AUTS2: variants seen among roughly 807,000 people sequenced by gnomAD.
The protein encoded by AUTS2 is activator of transcription and developmental regulator AUTS2.
Under a neutral mutation model 112.4 loss-of-function variants are expected in AUTS2, and 17 were observed. The observed-to-expected ratio is 0.15, with a 90% CI of 0.10 to 0.23. The LOEUF (loss-of-function observed/expected upper bound fraction) is 0.23. AUTS2 is among the 10% of genes least tolerant of loss of function. The probability of loss-of-function intolerance (pLI) is 1.00; values close to 1 mark genes in which losing one functional copy is unlikely to be tolerated. For missense variants in AUTS2, 1,510 were observed against 1,701.6 expected (o/e 0.89, Z 1.98); for synonymous variants, 751 against 702.7 (o/e 1.07, Z -1.09).
At chr7:70,438,294 G>C (rs1461604070) in intron 5 of AUTS2, among the ~76,000 whole-genome samples, 3 of 152,200 alleles carry the variant, frequency 2.0e-5, no homozygotes, top group Non-Finnish European at 4.4e-5. Context: ...GTAGATTTCA[G>C]GGTAATAAAG....
chr7:70,246,896 G>A (rs1190831062), intron 4 of AUTS2, among the ~76,000 whole-genome samples: 6 of 150,730 alleles, frequency 4.0e-5, no homozygotes, highest in African/African-American at 1.5e-4. Flanking sequence ...TTCTCTATAT[G>A]TTTTTTTTAT....
intron 1 of AUTS2, among the ~76,000 whole-genome samples, chr7:69,672,090 ATTC>A (rs1295597112): frequency 6.6e-6 from 1 of 150,506 alleles, no homozygotes; most frequent in African/African-American, 2.4e-5. Context: ...ATGGAGTTTC[ATTC>A]TTGTTGCTTA....
At chr7:70,003,202 ATATATGAATATAT>A (rs1563029246) in intron 2 of AUTS2, among the ~76,000 whole-genome samples, 2 of 134,124 alleles carry the variant, frequency 1.5e-5, no homozygotes, top group African/African-American at 5.6e-5. Context: ...TGAATATATT[ATATATGAATATAT>A]TATATATGAA....
chr7:70,290,809 G>C, intron 4 of AUTS2: 1 of 340,348 alleles, frequency 2.9e-6, no homozygotes, highest in Non-Finnish European at 4.8e-6. Flanking sequence ...AAGAAGCAAA[G>C]TCATTACATA....
chr7:70,093,508 A>T (rs772588908), intron 2 of AUTS2, among the ~76,000 whole-genome samples: 2 of 152,236 alleles, frequency 1.3e-5, no homozygotes, highest in Non-Finnish European at 2.9e-5. Flanking sequence ...CATGAGAGAA[A>T]AGCCATCTCT....
chr7:70,071,103 C>T (rs1584674189), intron 2 of AUTS2, among the ~76,000 whole-genome samples: 1 of 152,216 alleles, frequency 6.6e-6, no homozygotes, highest in Middle Eastern at 3.4e-3. Flanking sequence ...ATAATAAATT[C>T]ACTGTTTTGT....
At chr7:69,941,868 A>G (rs6961164) in intron 2 of AUTS2, among the ~76,000 whole-genome samples, 54,893 of 151,890 alleles carry the variant, frequency 0.36, 10,489 homozygotes, top group African/African-American at 0.49. Context: ...ATTAAATGCT[A>G]TCTTCCTGAC....
chr7:70,070,993 A>AT (rs1488955908), intron 2 of AUTS2, among the ~76,000 whole-genome samples: 2 of 152,138 alleles, frequency 1.3e-5, no homozygotes, highest in Non-Finnish European at 2.9e-5. Flanking sequence ...CTTAAAAAAA[A>AT]TTTTTTTAAT....
chr7:70,467,726 C>T (rs1431068986), intron 5 of AUTS2, among the ~76,000 whole-genome samples: 13 of 152,170 alleles, frequency 8.5e-5, no homozygotes. Flanking sequence ...TATCACAATA[C>T]TAAGCAGGTG....
intron 5 of AUTS2, among the ~76,000 whole-genome samples, chr7:70,563,034 G>A (rs1801554311): frequency 6.6e-6 from 1 of 152,178 alleles, no homozygotes; most frequent in East Asian, 1.9e-4. Flanking sequence ...GCTAGGAAAA[G>A]TGGGCTGAAA....
chr7:70,768,877 C>CTTTTCTT (rs776483074), intron 10 of AUTS2, among the ~76,000 whole-genome samples: 3 of 108,216 alleles, frequency 2.8e-5, no homozygotes, highest in South Asian at 3.1e-4. Context: ...CCAGTGATTT[C>CTTTTCTT]TTTTTTTTTT....
chr7:69,953,220 A>T (rs960073645), intron 2 of AUTS2, among the ~76,000 whole-genome samples: 5 of 152,132 alleles, frequency 3.3e-5, no homozygotes, highest in Admixed American at 1.3e-4. Context: ...TAATTCCCTA[A>T]GCACACTAGA....
At chr7:69,690,592 G>C (rs1797292967) in intron 1 of AUTS2, among the ~76,000 whole-genome samples, 1 of 152,182 alleles carries the variant, frequency 6.6e-6, no homozygotes, top group Non-Finnish European at 1.5e-5. Flanking sequence ...GCTGTGGCTG[G>C]ACCAGGTGTA....
At chr7:70,689,344 G>T (rs569892135) in intron 5 of AUTS2, among the ~76,000 whole-genome samples, 2 of 152,252 alleles carry the variant, frequency 1.3e-5, no homozygotes, top group East Asian at 3.9e-4. Flanking sequence ...TGGCACCACT[G>T]CACTCCAGCC....
At chr7:70,711,890 C>T (rs575768240) in intron 6 of AUTS2, among the ~76,000 whole-genome samples, 14 of 152,128 alleles carry the variant, frequency 9.2e-5, no homozygotes, top group Non-Finnish European at 1.6e-4. Flanking sequence ...TTTCCATGCC[C>T]CTTTACTCAC....
At chr7:70,119,679 G>A (rs1025912235) in intron 3 of AUTS2, 2 of 152,048 alleles carry the variant, frequency 1.3e-5, no homozygotes, top group African/African-American at 4.8e-5. Flanking sequence ...TGTATTTTTA[G>A]TAGAGATGGG....
chr7:69,826,746 G>A (rs1179614895), intron 1 of AUTS2, among the ~76,000 whole-genome samples: 2 of 152,138 alleles, frequency 1.3e-5, no homozygotes, highest in Non-Finnish European at 2.9e-5. Context: ...CCTAGGCAAG[G>A]TGTTTTTCTC....
chr7:70,030,291 G>A (rs1453099523), intron 2 of AUTS2, among the ~76,000 whole-genome samples: 3 of 152,194 alleles, frequency 2.0e-5, no homozygotes, highest in African/African-American at 7.2e-5. Context: ...CAGTCCAGTT[G>A]TCACCTACTC....
intron 1 of AUTS2, among the ~76,000 whole-genome samples, chr7:69,859,814 A>G (rs1171806617): frequency 6.6e-6 from 1 of 152,160 alleles, no homozygotes; most frequent in Non-Finnish European, 1.5e-5. Flanking sequence ...AAAACAAACA[A>G]AAACAACAAC....
Sources: gnomAD v4.1 joint callset for allele counts (sites outside exome capture counted in the v4.1 genomes callset) on GRCh38, gnomAD v4.1.1 for gene constraint, MANE v1.5 for transcripts, NCBI Gene and HGNC (gene_info 2026-07-23, HGNC 2026-07-21) for gene names.